The following PRPS2 variants were observed in gnomAD, a reference collection of about 807,000 sequenced individuals.
PRPS2 encodes the protein ribose-phosphate pyrophosphokinase 2.
For missense variants in PRPS2, 104 were observed against 271.5 expected (o/e 0.38, Z 4.34); for synonymous variants, 111 against 115.3 (o/e 0.96, Z 0.24).
At chrX:12,799,526 TTTTG>T (rs2147215390) in intron 2 of PRPS2, 136 bp downstream of exon 2, 1 of 726,878 alleles carries the variant, frequency 1.4e-6, no homozygotes, top group South Asian at 3.5e-5. Context: ...TGCTTTCTTA[TTTTG>T]TTTGTTGAAG....
chrX:12,799,168 A>G, intron 1 of PRPS2, 39 bp from the exon 2 acceptor site: 5 of 1,187,345 alleles, frequency 4.2e-6, no homozygotes, highest in Non-Finnish European at 5.7e-6. Flanking sequence ...AGATGCAAAT[A>G]TGCTTCGATA....
intron 2 of PRPS2, among the ~76,000 whole-genome samples, chrX:12,802,926 T>C (rs764252715): frequency 4.5e-5 from 5 of 111,735 alleles, no homozygotes; most frequent in Non-Finnish European, 7.5e-5. Flanking sequence ...TTGGTAACAT[T>C]TGAGAGACAG....
chrX:12,811,533 G>T (rs911840940), intron 4 of PRPS2, among the ~76,000 whole-genome samples: 1 of 111,720 alleles, frequency 9.0e-6, no homozygotes, highest in African/African-American at 3.3e-5. Context: ...GAGTTTTATT[G>T]TGTAGGTAGA....
Position 12,823,062 on chromosome X carries a change from A to G in PRPS2, c.*266A>G, listed in dbSNP as rs1234464379. ...TTTGTCATTTTGACTTTTAACAGGT[A>G]CAGGTGATCTCTTCCTTTGTTCTTT... is the stretch of plus-strand genomic sequence containing the variant. On this transcript the variant is annotated 3_prime_UTR_variant, in exon 7 of 7. Transcript: ENST00000380668. 2 of 289,637 alleles carry G rather than the reference A, an allele frequency of 6.9e-6. No homozygotes were observed. The highest frequency in any genetic ancestry group is 1.2e-5 in the Non-Finnish European group (2 of 167,916). 23.9% of individuals were successfully genotyped at this position (289,637 alleles called of 1,213,427 possible).
At position 12,822,880 on chromosome X, in the gene PRPS2, C is replaced by A; in HGVS notation, c.*84C>A. 1.4e-6 allele frequency: 1 copy of A among 723,366 alleles called. No individual in the cohort carries two copies. The highest frequency in any genetic ancestry group is 2.1e-6 in the Non-Finnish European group (1 of 465,613). The allele number at this position is 723,366 out of a possible 1,213,427, so 59.6% of individuals were successfully genotyped here. On this transcript the variant is annotated 3_prime_UTR_variant, in exon 7 of 7. Coordinates refer to ENST00000380668, the MANE Select transcript of PRPS2 (RefSeq NM_002765.5). ...TGGATTTTTAGCTGTAGGTATTCAG[C>A]AATGATAGGTTAATCACTGGCAAAA...
chrX:12,795,275 C>A (rs2147213529), intron 1 of PRPS2, among the ~76,000 whole-genome samples: 1 of 111,732 alleles, frequency 8.9e-6, no homozygotes, highest in Non-Finnish European at 1.9e-5. Context: ...TATAAACTCA[C>A]ATATTCAAAG....
chrX:12,796,150 GGACTGTGGGCATGAGCC>G (rs1208626785), intron 1 of PRPS2, among the ~76,000 whole-genome samples: 1 of 110,169 alleles, frequency 9.1e-6, no homozygotes, highest in Admixed American at 9.6e-5. Context: ...CAAGTAGCTG[GGACTGTGGGCATGAGCC>G]ACCATGCCCA....
intron 4 of PRPS2, among the ~76,000 whole-genome samples, chrX:12,816,199 G>A (rs2042647034): frequency 9.0e-6 from 1 of 111,553 alleles, no homozygotes; most frequent in African/African-American, 3.3e-5. Flanking sequence ...GGACGTTGAT[G>A]TCTTATTCTC....
intron 4 of PRPS2, among the ~76,000 whole-genome samples, chrX:12,817,509 G>T (rs935749967): frequency 9.9e-6 from 1 of 101,262 alleles, no homozygotes; most frequent in Admixed American, 1.1e-4. Context: ...AGCCGAATAG[G>T]TTATACAGAG....
chrX:12,802,877 G>A (rs113274773), intron 2 of PRPS2, among the ~76,000 whole-genome samples: 148 of 112,298 alleles, frequency 1.3e-3, no homozygotes, highest in African/African-American at 4.6e-3. Context: ...GCTGATAGAA[G>A]AGAGGTCTTT....
chrX:12,815,321 T>C (rs2042642039), intron 4 of PRPS2, among the ~76,000 whole-genome samples: 1 of 110,836 alleles, frequency 9.0e-6, no homozygotes, highest in Non-Finnish European at 1.9e-5. Flanking sequence ...TACCCTGCTG[T>C]CTGCTTGTGA....
chrX:12,810,864 AG>A (rs1569096741), intron 4 of PRPS2, among the ~76,000 whole-genome samples: 30 of 105,896 alleles, frequency 2.8e-4, no homozygotes, highest in African/African-American at 9.6e-4. Flanking sequence ...AAAAAAAAAA[AG>A]AAGAAGAAGA....
At chrX:12,816,785 T>C (rs1403530461) in intron 4 of PRPS2, among the ~76,000 whole-genome samples, 1 of 111,999 alleles carries the variant, frequency 8.9e-6, no homozygotes, top group African/African-American at 3.2e-5. Context: ...TTAAGTTGCA[T>C]TCTTTAAGTG....
chrX:12,815,337 C>T (rs1028553816), intron 4 of PRPS2, among the ~76,000 whole-genome samples: 6 of 110,555 alleles, frequency 5.4e-5, no homozygotes, highest in East Asian at 2.8e-4. Flanking sequence ...TGTGAGCAGG[C>T]TCGTGAGAAC....
chrX:12,792,310 GA>G (rs1326448307), intron 1 of PRPS2, among the ~76,000 whole-genome samples: 1 of 112,216 alleles, frequency 8.9e-6, no homozygotes, highest in African/African-American at 3.2e-5. Flanking sequence ...AAGACTGTGA[GA>G]ACCCCAGGAC....
At chrX:12,817,491 G>GAAAAAAAAAAAAAAAAAAAAAAAAA (rs2042654027) in intron 4 of PRPS2, among the ~76,000 whole-genome samples, 1 of 54,358 alleles carries the variant, frequency 1.8e-5, no homozygotes, top group South Asian at 8.3e-4. Flanking sequence ...AAAAAAAAAG[G>GAAAAAAAAAAAAAAAAAAAAAAAAA]AAATATTAGC....
intron 2 of PRPS2, among the ~76,000 whole-genome samples, chrX:12,802,631 G>A (rs973402633): frequency 8.9e-6 from 1 of 112,338 alleles, no homozygotes; most frequent in Non-Finnish European, 1.9e-5. Context: ...GAGCCATCGC[G>A]CCCAGCCGGC....
chrX:12,816,924 A>G (rs1326128091), intron 4 of PRPS2, among the ~76,000 whole-genome samples: 1 of 111,820 alleles, frequency 8.9e-6, no homozygotes, highest in Non-Finnish European at 1.9e-5. Flanking sequence ...CTCATATCAC[A>G]TTGAAGATAT....
At chrX:12,808,573 G>A (rs540822716) in intron 2 of PRPS2, among the ~76,000 whole-genome samples, 12 of 112,340 alleles carry the variant, frequency 1.1e-4, no homozygotes, top group African/African-American at 3.9e-4. Flanking sequence ...ATGACACTAA[G>A]TATGAAATTA....
Sources: gnomAD v4.1 joint callset for allele counts (sites outside exome capture counted in the v4.1 genomes callset) on GRCh38, gnomAD v4.1.1 for gene constraint, MANE v1.5 for transcripts, NCBI Gene and HGNC (gene_info 2026-07-23, HGNC 2026-07-21) for gene names.